The following INTS11 variants were observed in gnomAD, a reference collection of about 807,000 sequenced individuals.
The protein encoded by INTS11 is CPSF3-like protein.
In INTS11, 77 loss-of-function variants were observed where a neutral mutation model predicts 78.6. That is an observed-to-expected ratio of 0.98 (90% CI 0.81 to 1.18). The LOEUF (loss-of-function observed/expected upper bound fraction) is 1.18, where lower values mean the gene tolerates loss of function less well. Ranked by LOEUF, INTS11 falls within the 50% of genes most tolerant of loss-of-function variation. INTS11 has a pLI of 0.00. For missense variants in INTS11, 875 were observed against 825.9 expected (o/e 1.06, Z -0.73); for synonymous variants, 441 against 326.9 (o/e 1.35, Z -3.77).
chr1:1,315,659 C>T lies in INTS11; in HGVS notation c.430-41G>A, dbSNP rs534179999. 9 of 1,458,504 alleles carry T rather than the reference C, an allele frequency of 6.2e-6. No homozygotes were observed. The East Asian group carries it at 7.0e-5, about 11-fold the overall frequency. The allele number at this position is 1,458,504 out of a possible 1,614,324, so 90.3% of individuals were successfully genotyped here. ...CTGCGCTCAGGCTGTGTCCTCACAGCAGAGGGGCGGGGAGTGAGGGAGGCG... is the reference window on the plus strand; with the variant it reads ...CTGCGCTCAGGCTGTGTCCTCACAGTAGAGGGGCGGGGAGTGAGGGAGGCG... On this transcript the variant is annotated intron_variant, in intron 4 of 16. Coordinates refer to ENST00000435064, the MANE Select transcript of INTS11 (RefSeq NM_017871.6).
At position 1,312,361 on chromosome 1, in the gene INTS11, C is replaced by A. The variant is rs778736451; in HGVS notation, c.1472G>T (p.Arg491Leu). 1 of 1,565,114 alleles carries A rather than the reference C, an allele frequency of 6.4e-7. No homozygotes were observed. The highest frequency in any genetic ancestry group is 1.2e-5 in the South Asian group (1 of 85,376). The change falls in exon 15 of 17, where the codon CGG becomes CTG. Residue 491 changes from arginine (R) to leucine (L), a missense_variant. By Grantham distance (102) the Arg-to-Leu change is moderately radical (BLOSUM62 -2). Coordinates refer to ENST00000435064, the MANE Select transcript of INTS11 (RefSeq NM_017871.6). ...GTLIMKDSNF[R>L]LVSSEQALKE... is the part of the protein sequence containing the mutation. ...GAGGGCTTGCTCTGAGGACACCAGC[C>A]GGAAGTTCTGTGGGGCAGGGACAGG...
rs753916493 is a variant in INTS11 at position 1,313,829 on chromosome 1, T to A, written c.860A>T (p.Asn287Ile). 1 of 1,613,478 alleles carries A rather than the reference T, an allele frequency of 6.2e-7. No individual in the cohort carries two copies. The highest frequency in any genetic ancestry group is 1.1e-5 in the South Asian group (1 of 91,082). The change falls in exon 9 of 17, where the codon AAC becomes ATC. Residue 287 changes from asparagine to isoleucine, a missense_variant. Transcript: ENST00000435064. ...HYYKLFIPWT[N>I]QKIRKTFVQR... ...CACGAAAGTCTTGCGGATCTTCTGG[T>A]TGGTCCAGGGGATGAACAGCTTGTA...
At chr1:1,318,286 G>C (rs986825509) in intron 4 of INTS11, among the ~76,000 whole-genome samples, 1 of 152,124 alleles carries the variant, frequency 6.6e-6, no homozygotes, top group Non-Finnish European at 1.5e-5. Flanking sequence ...CCAACAAAAA[G>C]GATAAATATA....
At position 1,313,128 on chromosome 1, in the gene INTS11, G is replaced by C; in HGVS notation, c.1042-4C>G. Reference sequence around the variant, plus strand: ...CGCAGTAGCCGGGCATGATGACCTGGGGGCAGGCACAGAGCTCACAGCCAG... The same window carrying C: ...CGCAGTAGCCGGGCATGATGACCTGCGGGCAGGCACAGAGCTCACAGCCAG... On this transcript the variant is annotated splice_region_variant and splice_polypyrimidine_tract_variant and intron_variant, in intron 10 of 16. Transcript: ENST00000435064. 6.2e-7 allele frequency: 1 copy of C among 1,605,138 alleles called. No homozygotes were observed. Among genetic ancestry groups the C allele is most frequent in the Non-Finnish European group, 8.5e-7 (1 of 1,179,074 alleles).
chr1:1,312,213 G>GCCGGGCGCCCCCCCCCCCCCCCCCCC lies in INTS11; in HGVS notation c.1607+12_1607+13insGGGGGGGGGGGGGGGGGGGCGCCCGG. ...CCCAAGGGAGTGGGGGGGGGGCGGGGCCGGGCGCCCACCTCTTGAGGTGGC... is the reference window on the plus strand; with the variant it reads ...CCCAAGGGAGTGGGGGGGGGGCGGGGCCGGGCGCCCCCCCCCCCCCCCCCCCCCGGGCGCCCACCTCTTGAGGTGGC... On this transcript the variant is annotated intron_variant, in intron 15 of 16. Coordinates refer to ENST00000435064, the MANE Select transcript of INTS11 (RefSeq NM_017871.6). The GCCGGGCGCCCCCCCCCCCCCCCCCCC allele has an allele frequency of 5.3e-6, 5 of 934,590 alleles. No individual in the cohort carries two copies. The highest frequency in any genetic ancestry group is 7.9e-6 in the Non-Finnish European group (5 of 636,654). 57.9% of individuals were successfully genotyped at this position (934,590 alleles called of 1,614,324 possible).
At position 1,314,016 on chromosome 1, in the gene INTS11, A is replaced by G. The variant is rs1642417120; in HGVS notation, c.768-95T>C. On this transcript the variant is annotated intron_variant, in intron 8 of 16. Coordinates refer to ENST00000435064, the MANE Select transcript of INTS11 (RefSeq NM_017871.6). This position sits in a 1 kb window ranked among gnomAD's most constrained non-coding sequence, Gnocchi z 4.2. ...TCACCCCCAACACCCGTGTCTGCAC[A>G]GCCCACGCACGGGCCAGGTTGAGTC... 1 of 1,307,436 alleles carries G rather than the reference A, an allele frequency of 7.6e-7. No homozygotes were observed. The highest frequency in any genetic ancestry group is 1.1e-6 in the Non-Finnish European group (1 of 926,810). The allele number at this position is 1,307,436 out of a possible 1,614,324, so 81.0% of individuals were successfully genotyped here.
At chr1:1,323,102 T>C (rs1643058284) in intron 1 of INTS11, 2 of 1,515,604 alleles carry the variant, frequency 1.3e-6, no homozygotes, top group Admixed American at 2.0e-5. Flanking sequence ...CAAAATGCCA[T>C]GGGGTGTGCA....
chr1:1,323,785 G>A (rs972780851), intron 1 of INTS11, among the ~76,000 whole-genome samples: 6 of 141,982 alleles, frequency 4.2e-5, no homozygotes, highest in Non-Finnish European at 7.6e-5. Context: ...GGTAGAACAA[G>A]AGCTAAAGTG....
chr1:1,322,544 G>A (rs1643007545), intron 1 of INTS11, among the ~76,000 whole-genome samples: 1 of 117,168 alleles, frequency 8.5e-6, no homozygotes, highest in African/African-American at 3.4e-5. Context: ...GCAGGGGAGG[G>A]GAGGGGTAGG....
At chr1:1,312,563 ACCCTG>A (rs562147098) in intron 13 of INTS11, 25 bp downstream of exon 13, 46 of 1,581,176 alleles carry the variant, frequency 2.9e-5, no homozygotes, top group Middle Eastern at 1.7e-4. Context: ...TGCCCCGAGC[ACCCTG>A]CCCTGCCCTG....
Position 1,312,150 on chromosome 1 carries a change from G to A in INTS11, c.1608-3C>T. On this transcript the variant is annotated splice_polypyrimidine_tract_variant and splice_region_variant and intron_variant, in intron 15 of 16. Coordinates refer to ENST00000435064, the MANE Select transcript of INTS11 (RefSeq NM_017871.6). The stretch of plus-strand genomic sequence containing the variant: ...GCACACAGTGGTCCTTCAGGACGCT[G>A]TGGGGAGGCTCGGTGAGACCCTGCC... 1 of 1,546,832 alleles carries A rather than the reference G, an allele frequency of 6.5e-7. No individual in the cohort carries two copies. The highest frequency in any genetic ancestry group is 8.8e-7 in the Non-Finnish European group (1 of 1,139,808).
chr1:1,324,636 A>T lies in INTS11; in HGVS notation c.-28T>A, dbSNP rs1643232625. 6.3e-7 allele frequency: 1 copy of T among 1,598,422 alleles called. No individual in the cohort carries two copies. Among genetic ancestry groups the T allele is most frequent in the African/African-American group, 1.4e-5 (1 of 72,468 alleles). ...TCTCCGCCGCGCTCCCGGACCCGCGAGGCCCGCCTGCGGTGATGCACTGCG... is the reference window on the plus strand; with the variant it reads ...TCTCCGCCGCGCTCCCGGACCCGCGTGGCCCGCCTGCGGTGATGCACTGCG... On this transcript the variant is annotated 5_prime_UTR_variant, in exon 1 of 17. Transcript: ENST00000435064.
intron 1 of INTS11, among the ~76,000 whole-genome samples, chr1:1,324,371 G>A (rs1643208437): frequency 2.0e-5 from 3 of 152,156 alleles, no homozygotes; most frequent in Admixed American, 2.0e-4. Context: ...CTGAACCTCG[G>A]GGCTCGCGTT....
At position 1,314,264 on chromosome 1, in the gene INTS11, C is replaced by A. The variant is rs775391102; in HGVS notation, c.767+37G>T. On this transcript the variant is annotated intron_variant, in intron 8 of 16. Transcript: ENST00000435064. This position sits in a 1 kb window ranked among gnomAD's most constrained non-coding sequence, Gnocchi z 4.2. ...CAACTGGACTGTGTTCAGGCCGGGC[C>A]AGGGGCTCCTTAAAGAGCCGTCCTG... The A allele has an allele frequency of 3.9e-6, 6 of 1,554,740 alleles. No individual in the cohort carries two copies. The South Asian group carries it at 7.1e-5, about 18-fold the overall frequency.
chr1:1,315,050 G>C, intron 6 of INTS11, 88 bp from the exon 7 acceptor site: 1 of 1,492,026 alleles, frequency 6.7e-7, no homozygotes, highest in East Asian at 2.3e-5. Context: ...CCAGTACCAC[G>C]CCCAGCCGCC....
In INTS11 at chr1:1,311,724, T is replaced by C; in HGVS notation, c.*135A>G. 1 of 904,424 alleles carries C rather than the reference T, an allele frequency of 1.1e-6. No homozygotes were observed. The highest frequency in any genetic ancestry group is 1.7e-6 in the Non-Finnish European group (1 of 577,154). The allele number at this position is 904,424 out of a possible 1,614,324, so 56.0% of individuals were successfully genotyped here. A position where few individuals can be genotyped will look rare whatever the true frequency, so the allele number is the denominator to read the frequency against. Reference sequence around the variant, plus strand: ...GCAAACAGCTGCCTGGGCAGGCAGGTGACACAAGGCCTCTGTCCCCAGGGA... The same window carrying C: ...GCAAACAGCTGCCTGGGCAGGCAGGCGACACAAGGCCTCTGTCCCCAGGGA... On this transcript the variant is annotated 3_prime_UTR_variant, in exon 17 of 17. Transcript: ENST00000435064.
In INTS11 at chr1:1,312,210, G is replaced by A. The variant is rs779962156; in HGVS notation, c.1607+16C>T. ...GGGCCCAAGGGAGTGGGGGGGGGGC[G>A]GGGCCGGGCGCCCACCTCTTGAGGT... On this transcript the variant is annotated intron_variant, in intron 15 of 16. Coordinates refer to ENST00000435064, the MANE Select transcript of INTS11 (RefSeq NM_017871.6). 28 of 912,866 alleles carry A rather than the reference G, an allele frequency of 3.1e-5. 1 individual carries two copies. Among genetic ancestry groups the A allele is most frequent in the South Asian group, 7.5e-5 (5 of 66,784 alleles). The allele number at this position is 912,866 out of a possible 1,614,324, so 56.5% of individuals were successfully genotyped here.
At chr1:1,320,619 G>A in intron 2 of INTS11, 90 bp from the exon 3 acceptor site, 1 of 1,323,702 alleles carries the variant, frequency 7.6e-7, no homozygotes, top group Non-Finnish European at 1.1e-6. Context: ...CCCCAGGAAG[G>A]GGGGTTCTAT....
intron 4 of INTS11, chr1:1,317,077 C>G (rs1234665044): frequency 6.7e-6 from 1 of 150,108 alleles, no homozygotes; most frequent in Non-Finnish European, 1.5e-5. Flanking sequence ...CACGCACCCA[C>G]CACGCCAGGC....
Sources: gnomAD v4.1 joint callset for allele counts (sites outside exome capture counted in the v4.1 genomes callset) on GRCh38, gnomAD v4.1.1 for gene constraint, Gnocchi (gnomAD v3.1) non-coding constraint, MANE v1.5 for transcripts, NCBI Gene and HGNC (gene_info 2026-07-23, HGNC 2026-07-21) for gene names.